Variants in AGGF1 observed in about 807,000 individuals in gnomAD.
The protein encoded by AGGF1 is angiogenic factor with G-patch and FHA domains 1.
In AGGF1, 56 loss-of-function variants were observed where a neutral mutation model predicts 86.5. The observed-to-expected ratio is 0.65, with a 90% confidence interval of 0.52 to 0.81. AGGF1 has a LOEUF of 0.81. AGGF1 is among the 30% of genes least tolerant of loss of function. The pLI is 0.00. For synonymous variants in AGGF1, 313 were observed against 297.1 expected (o/e 1.05, Z -0.55); for missense variants, 816 against 850.9 (o/e 0.96, Z 0.51).
intron 5 of AGGF1, among the ~76,000 whole-genome samples, chr5:77,041,143 A>AT (rs769500581): frequency 2.6e-5 from 4 of 152,154 alleles, no homozygotes; most frequent in Non-Finnish European, 5.9e-5. Context: ...CTTCTGTTCT[A>AT]TTTTTTTGTG....
rs371189047 is a variant in AGGF1, at chr5:77,035,556, C to T, written c.329C>T (p.Thr110Met). 1.8e-5 allele frequency: 29 copies of T among 1,611,604 alleles called. No homozygotes were observed. The Middle Eastern group carries it at 6.8e-4, about 38-fold the overall frequency. Residue 110 changes from threonine (T) to methionine (M), a missense_variant, in exon 3 of 14, where the codon ACG (threonine) becomes ATG (methionine). Thr to Met is a moderately conservative substitution (Grantham distance 81). Coordinates refer to ENST00000312916, the MANE Select transcript of AGGF1 (RefSeq NM_018046.5). The part of the protein sequence containing the change: ...PWSISDYFYQ[T>M]YYNDVSLPNK... ...TTTGCTACAGATTATTTTTATCAGA[C>T]GTACTACAATGACGTTAGTCTTCCA...
intron 8 of AGGF1, among the ~76,000 whole-genome samples, chr5:77,051,960 G>C (rs1041703250): frequency 7.9e-5 from 12 of 152,202 alleles, no homozygotes; most frequent in African/African-American, 2.9e-4. Context: ...AATAGATAGA[G>C]TGTTATGGAA....
intron 11 of AGGF1, 128 bp downstream of exon 11, chr5:77,055,724 G>A: frequency 1.5e-6 from 1 of 666,296 alleles, no homozygotes; most frequent in Non-Finnish European, 2.5e-6. Flanking sequence ...ATTTGTATTA[G>A]TTTACTGTTC....
In AGGF1 at chr5:77,030,849, A is replaced by C; in HGVS notation, c.83A>C (p.Lys28Thr). The C allele has an allele frequency of 6.2e-7, 1 of 1,612,676 alleles. No homozygotes were observed. Among genetic ancestry groups the C allele is most frequent in the Non-Finnish European group, 8.5e-7 (1 of 1,179,888 alleles). Reference sequence around the variant, plus strand: ...CCTGAGCTGGCCCAGCTAAGGCGGAAGGTGGAGAAGTTGGAACGTGAACTG... The same window carrying C: ...CCTGAGCTGGCCCAGCTAAGGCGGACGGTGGAGAAGTTGGAACGTGAACTG... ...PEPELAQLRR[K>T]VEKLERELRS... is the part of the protein sequence containing the mutation. The change falls in exon 1 of 14, where the codon AAG becomes ACG. Residue 28 changes from lysine (K) to threonine (T), a missense_variant. Physicochemically the swap from Lys to Thr is moderately conservative, Grantham distance 78. Around this residue, in one of 3 missense-constraint regions of AGGF1, gnomAD observed 240 missense variants for 234.4 expected, o/e 1.02. Coordinates refer to ENST00000312916, the MANE Select transcript of AGGF1 (RefSeq NM_018046.5).
intron 11 of AGGF1, among the ~76,000 whole-genome samples, chr5:77,059,380 C>A (rs951837996): frequency 6.6e-6 from 1 of 152,076 alleles, no homozygotes; most frequent in African/African-American, 2.4e-5. Context: ...GGGGGTCTTG[C>A]TGTATTGCTC....
intron 5 of AGGF1, among the ~76,000 whole-genome samples, chr5:77,044,304 A>G (rs1747204060): frequency 6.6e-6 from 1 of 152,218 alleles, no homozygotes; most frequent in Non-Finnish European, 1.5e-5. Context: ...AGCACTCGAC[A>G]AGAACTTTTA....
chr5:77,044,274 C>T (rs1367166172), intron 5 of AGGF1, among the ~76,000 whole-genome samples: 1 of 152,062 alleles, frequency 6.6e-6, no homozygotes, highest in South Asian at 2.1e-4. Context: ...CGCCACTGCA[C>T]TCCAGCCTGG....
intron 5 of AGGF1, among the ~76,000 whole-genome samples, chr5:77,042,593 C>T (rs1441955027): frequency 3.0e-5 from 2 of 66,212 alleles, no homozygotes; most frequent in African/African-American, 4.5e-5. Flanking sequence ...CTGACCCCCC[C>T]CCACCTCCCT....
intron 5 of AGGF1, among the ~76,000 whole-genome samples, chr5:77,045,932 A>G (rs953371025): frequency 3.3e-5 from 5 of 152,230 alleles, no homozygotes; most frequent in Non-Finnish European, 5.9e-5. Flanking sequence ...CTACTAGAAA[A>G]TGTAAAAGTA....
rs564683288 is a variant in AGGF1, at chr5:77,035,140, A to G, written c.314-401A>G. 2.0e-4 allele frequency among the ~76,000 whole-genome samples: 31 copies of G among 152,352 alleles called. No individual in the cohort carries two copies. In the South Asian group the frequency reaches 6.0e-3, roughly 30 times the overall value. On this transcript the variant is annotated intron_variant, in intron 2 of 13. Coordinates refer to ENST00000312916, the MANE Select transcript of AGGF1 (RefSeq NM_018046.5). Reference sequence around the variant, plus strand: ...GGGGAGAGAAATTTGCCAAAAAATAAATCAATCCCTAATTCCTTGCCTTTA... The same window carrying G: ...GGGGAGAGAAATTTGCCAAAAAATAGATCAATCCCTAATTCCTTGCCTTTA...
intron 5 of AGGF1, among the ~76,000 whole-genome samples, chr5:77,041,564 C>T (rs1255296647): frequency 9.7e-6 from 1 of 103,112 alleles, no homozygotes; most frequent in African/African-American, 3.5e-5. Flanking sequence ...GAGACTCCAT[C>T]TCAAAAAAAA....
rs1341214682 is a variant in AGGF1, at chr5:77,039,653, A to G, written c.804A>G (p.Gln268=). 2.5e-6 allele frequency: 4 copies of G among 1,612,524 alleles called. No individual in the cohort carries two copies. The highest frequency in any genetic ancestry group is 3.4e-6 in the Non-Finnish European group (4 of 1,179,490). The change falls in exon 5 of 14, where the codon CAA becomes CAG. Residue 268 remains glutamine (Q), a synonymous_variant. Coordinates refer to ENST00000312916, the MANE Select transcript of AGGF1 (RefSeq NM_018046.5). ...CTTATCCGACTTCTAGCACAAAACAAAGTAAAGATAAAAAATTGAAGAAGA... is the reference window on the plus strand; with the variant it reads ...CTTATCCGACTTCTAGCACAAAACAGAGTAAAGATAAAAAATTGAAGAAGA... ...LQPYPTSSTK[Q]SKDKKLKKKR...
intron 5 of AGGF1, among the ~76,000 whole-genome samples, chr5:77,045,855 A>C (rs1747237814): frequency 6.6e-6 from 1 of 152,248 alleles, no homozygotes; most frequent in Non-Finnish European, 1.5e-5. Flanking sequence ...TGTTAAGTGT[A>C]AAATACACTC....
At chr5:77,053,896 T>A in intron 9 of AGGF1, 69 bp from the exon 10 acceptor site, 1 of 1,470,052 alleles carries the variant, frequency 6.8e-7, no homozygotes, top group Non-Finnish European at 9.5e-7. Context: ...CAGACATTAC[T>A]TACAGTAGAT....
chr5:77,063,283 T>A lies in AGGF1; in HGVS notation c.*31T>A. ...AATCATAGAAAAAAAACCTCTAGTT[T>A]TTTTAAAAATAGAATTTGGAAACTT... On this transcript the variant is annotated 3_prime_UTR_variant, in exon 14 of 14. Coordinates refer to ENST00000312916, the MANE Select transcript of AGGF1 (RefSeq NM_018046.5). 6.3e-7 allele frequency: 1 copy of A among 1,596,358 alleles called. No homozygotes were observed. The highest frequency in any genetic ancestry group is 8.6e-7 in the Non-Finnish European group (1 of 1,167,752).
Position 77,052,939 on chromosome 5 carries a change from T to A in AGGF1, c.1467+132T>A. 4 of 781,058 alleles carry A rather than the reference T, an allele frequency of 5.1e-6. No individual in the cohort carries two copies. In the Admixed American group the frequency reaches 9.1e-5, roughly 18 times the overall value. The allele number at this position is 781,058 out of a possible 1,614,324, so 48.4% of individuals were successfully genotyped here. The stretch of plus-strand genomic sequence containing the variant: ...CCCAAATGTGTTACTTCGGAAGGAA[T>A]TTCCAGAAAGGCTGAAAAAAGTGTA... On this transcript the variant is annotated intron_variant, in intron 9 of 13. Transcript: ENST00000312916.
chr5:77,031,074 C>T (rs1385951680), intron 1 of AGGF1, 98 bp downstream of exon 1: 6 of 1,293,732 alleles, frequency 4.6e-6, no homozygotes, highest in Non-Finnish European at 6.6e-6. Context: ...GGGCTCAGAA[C>T]TACTGTAGAG....
Position 77,039,798 on chromosome 5 carries a change from A to G in AGGF1, c.870+79A>G, listed in dbSNP as rs35359101. On this transcript the variant is annotated intron_variant, in intron 5 of 13. Transcript: ENST00000312916. ...AGACAAAATTTTTTATGAAACTGACAATCATTCAATAACTCTGCATTTCAA... is the reference window on the plus strand; with the variant it reads ...AGACAAAATTTTTTATGAAACTGACGATCATTCAATAACTCTGCATTTCAA... 8 of 1,249,498 alleles carry G rather than the reference A, an allele frequency of 6.4e-6. 1 individual carries two copies. The South Asian group carries it at 1.1e-4, about 17-fold the overall frequency. 77.4% of individuals were successfully genotyped at this position (1,249,498 alleles called of 1,614,324 possible). A position where few individuals can be genotyped will look rare whatever the true frequency, so the allele number is the denominator to read the frequency against.
At chr5:77,052,930 C>G (rs1417412931) in intron 9 of AGGF1, 123 bp downstream of exon 9, 1 of 811,772 alleles carries the variant, frequency 1.2e-6, no homozygotes, top group Non-Finnish European at 2.1e-6. Flanking sequence ...TGTGTTACTT[C>G]GGAAGGAATT....
Sources: allele counts gnomAD v4.1 joint callset (sites outside exome capture counted in the v4.1 genomes callset), GRCh38; gene constraint gnomAD v4.1.1; regional missense constraint gnomAD v4.1.1; transcripts MANE v1.5; gene names NCBI Gene and HGNC (gene_info 2026-07-23, HGNC 2026-07-21).